The following KCNH7 variants were observed in gnomAD, a reference collection of about 807,000 sequenced individuals.
The protein encoded by KCNH7 is voltage-gated inwardly rectifying potassium channel KCNH7.
KCNH7 carries 49 observed loss-of-function variants against 120.8 expected under a neutral mutation model. That is an observed-to-expected ratio of 0.41 (90% CI 0.32 to 0.51). The LOEUF is 0.51. Among genes scored for constraint, KCNH7 ranks in the 20% least tolerant of loss-of-function variants. The probability of loss-of-function intolerance (pLI) is 0.38; values close to 1 mark genes in which losing one functional copy is unlikely to be tolerated. For missense variants in KCNH7, 1,097 were observed against 1,446.6 expected (o/e 0.76, Z 3.92); for synonymous variants, 547 against 516.1 (o/e 1.06, Z -0.81).
At chr2:162,765,248 G>T (rs149773211) in intron 2 of KCNH7, among the ~76,000 whole-genome samples, 1 of 152,310 alleles carries the variant, frequency 6.6e-6, no homozygotes, top group East Asian at 1.9e-4. Context: ...TCCACTAATA[G>T]ATGATACTTT....
At chr2:162,441,145 C>G (rs1366747203) in intron 7 of KCNH7, among the ~76,000 whole-genome samples, 7 of 152,026 alleles carry the variant, frequency 4.6e-5, no homozygotes, top group Admixed American at 4.6e-4. Flanking sequence ...TCTAAACTCC[C>G]AAAAACCATC....
chr2:162,464,179 T>G (rs1031746549), intron 6 of KCNH7, among the ~76,000 whole-genome samples: 1 of 152,008 alleles, frequency 6.6e-6, no homozygotes, highest in Non-Finnish European at 1.5e-5. Context: ...AGAGACTTGA[T>G]GTAGAAGCAT....
intron 2 of KCNH7, among the ~76,000 whole-genome samples, chr2:162,647,074 A>T (rs150145797): frequency 6.6e-6 from 1 of 152,300 alleles, no homozygotes; most frequent in Admixed American, 6.5e-5. Context: ...AGGGGCTTCA[A>T]TGTGGACTTC....
chr2:162,623,362 A>G (rs1442166071), intron 2 of KCNH7, among the ~76,000 whole-genome samples: 1 of 152,212 alleles, frequency 6.6e-6, no homozygotes, highest in East Asian at 1.9e-4. Context: ...AAAGTGGCTT[A>G]GTATTAGTAA....
chr2:162,695,488 C>T (rs193082078), intron 2 of KCNH7, among the ~76,000 whole-genome samples: 17 of 152,234 alleles, frequency 1.1e-4, no homozygotes, highest in African/African-American at 2.6e-4. Flanking sequence ...AAGATTATAA[C>T]GACAAACCAC....
At chr2:162,426,004 A>G (rs1484367124) in intron 8 of KCNH7, among the ~76,000 whole-genome samples, 1 of 152,086 alleles carries the variant, frequency 6.6e-6, no homozygotes, top group Non-Finnish European at 1.5e-5. Context: ...ACCTGAGCTC[A>G]GCGGTTCGAG....
At position 162,415,617 on chromosome 2, in the gene KCNH7, A is replaced by AT. The variant is rs1257212769; in HGVS notation, c.2154+7718dup. ...CTTTGCTTCAGTGATTGGTTAAGAT[A>AT]TTTTTTCTCTTTAAGAATTGCCAAT... On this transcript the variant is annotated intron_variant, in intron 9 of 15. Coordinates refer to ENST00000332142, the MANE Select transcript of KCNH7 (RefSeq NM_033272.4). Among the ~76,000 whole-genome samples, 13 of 152,106 alleles carry AT rather than the reference A, an allele frequency of 8.5e-5. 1 individual carries two copies. Among genetic ancestry groups the AT allele is most frequent in the African/African-American group, 2.7e-4 (11 of 41,432 alleles).
At chr2:162,557,769 AC>A (rs1181184537) in intron 2 of KCNH7, among the ~76,000 whole-genome samples, 3 of 152,160 alleles carry the variant, frequency 2.0e-5, no homozygotes, top group Non-Finnish European at 4.4e-5. Context: ...GGAATACGCT[AC>A]TTTACACTTC....
intron 2 of KCNH7, among the ~76,000 whole-genome samples, chr2:162,704,222 T>C (rs1463339738): frequency 1.3e-5 from 2 of 152,156 alleles, no homozygotes; most frequent in South Asian, 2.1e-4. Flanking sequence ...ATATTTCCTA[T>C]GTTTTAGTTC....
intron 2 of KCNH7, among the ~76,000 whole-genome samples, chr2:162,572,898 G>A (rs1021202507): frequency 6.6e-6 from 1 of 151,974 alleles, no homozygotes; most frequent in Non-Finnish European, 1.5e-5. Context: ...GGACTGTTGT[G>A]GGGTGGGAGA....
intron 2 of KCNH7, among the ~76,000 whole-genome samples, chr2:162,647,558 A>C (rs181306919): frequency 1.3e-5 from 2 of 152,296 alleles, no homozygotes; most frequent in Non-Finnish European, 2.9e-5. Context: ...TTGAATCGCG[A>C]AGGTGGTTTC....
At chr2:162,406,746 C>T (rs2105456468) in intron 9 of KCNH7, among the ~76,000 whole-genome samples, 1 of 152,060 alleles carries the variant, frequency 6.6e-6, no homozygotes, top group South Asian at 2.1e-4. Context: ...AAGCATTCAG[C>T]ATCTAAAAAA....
chr2:162,372,443 G>A (rs1437991447), intron 15 of KCNH7, among the ~76,000 whole-genome samples: 3 of 152,088 alleles, frequency 2.0e-5, no homozygotes, highest in Non-Finnish European at 4.4e-5. Flanking sequence ...GAATAAGAGG[G>A]TATAAGGAGG....
At chr2:162,457,025 G>A (rs987171645) in intron 6 of KCNH7, among the ~76,000 whole-genome samples, 3 of 151,818 alleles carry the variant, frequency 2.0e-5, no homozygotes, top group Non-Finnish European at 2.9e-5. Context: ...AATTTTTAAT[G>A]ACCTAAATGC....
intron 2 of KCNH7, among the ~76,000 whole-genome samples, chr2:162,595,893 A>C (rs1388265059): frequency 1.3e-5 from 2 of 152,072 alleles, no homozygotes; most frequent in East Asian, 1.9e-4. Flanking sequence ...TCAATAAATC[A>C]ATAGCATTTT....
chr2:162,557,488 T>G (rs1469273336), intron 2 of KCNH7, among the ~76,000 whole-genome samples: 1 of 152,166 alleles, frequency 6.6e-6, no homozygotes, highest in African/African-American at 2.4e-5. Flanking sequence ...AGATTTCCCT[T>G]CTTGATGGAG....
chr2:162,511,899 T>C (rs1462555297), intron 5 of KCNH7, among the ~76,000 whole-genome samples: 1 of 151,704 alleles, frequency 6.6e-6, no homozygotes. Flanking sequence ...GCATGGCCTA[T>C]GTTGAAAGAC....
intron 2 of KCNH7, among the ~76,000 whole-genome samples, chr2:162,639,073 A>G (rs528818121): frequency 2.3e-4 from 35 of 152,218 alleles, no homozygotes; most frequent in African/African-American, 7.2e-4. Context: ...CCCTACCACC[A>G]GCCGTGGCAA....
At chr2:162,475,783 T>C (rs1689717355) in intron 6 of KCNH7, among the ~76,000 whole-genome samples, 1 of 152,174 alleles carries the variant, frequency 6.6e-6, no homozygotes, top group Non-Finnish European at 1.5e-5. Flanking sequence ...TCATGAGTCA[T>C]GGGCTGTGTG....
Sources: gnomAD v4.1 joint callset for allele counts (sites outside exome capture counted in the v4.1 genomes callset) on GRCh38, gnomAD v4.1.1 for gene constraint, MANE v1.5 for transcripts, NCBI Gene and HGNC (gene_info 2026-07-23, HGNC 2026-07-21) for gene names.